PTP4A1: variants seen among roughly 807,000 people sequenced by gnomAD.
PTP4A1 encodes the protein protein tyrosine phosphatase 4A1.
PTP4A1 carries 9 observed loss-of-function variants against 20.5 expected under a neutral mutation model. The ratio of observed to expected loss-of-function variants is 0.44; its 90% CI spans 0.26 to 0.77. PTP4A1 has a LOEUF of 0.77. Ranked by LOEUF, PTP4A1 falls within the 30% of genes least tolerant of loss-of-function variation. The pLI, the probability that PTP4A1 is intolerant of heterozygous loss-of-function variation, is 0.19. For synonymous variants in PTP4A1, 78 were observed against 67.4 expected, an observed-to-expected ratio of 1.16 and a Z score of -0.77; for missense variants, 137 against 218.8, an observed-to-expected ratio of 0.63 and a Z score of 2.36.
chr6:63,520,445 G>C (rs1239088954), upstream of PTP4A1, among the ~76,000 whole-genome samples: 1 of 151,952 alleles, frequency 6.6e-6, no homozygotes, highest in Non-Finnish European at 1.5e-5. Flanking sequence ...TGGCCAATGT[G>C]GCAAAACCCC....
At chr6:63,551,189 C>A (rs1191182135) in intron 3 of PTP4A1, among the ~76,000 whole-genome samples, 3 of 152,064 alleles carry the variant, frequency 2.0e-5, no homozygotes, top group Non-Finnish European at 4.4e-5. Flanking sequence ...CCTCAGCCTC[C>A]CAAATAGCTG....
intron 3 of PTP4A1, among the ~76,000 whole-genome samples, chr6:63,553,973 A>T (rs763285860): frequency 1.3e-5 from 2 of 152,222 alleles, no homozygotes; most frequent in African/African-American, 2.4e-5. Context: ...TTATTTTAAG[A>T]GGCTTATAAC....
chr6:63,539,779 AAT>A (rs1246943446), intron 2 of PTP4A1, among the ~76,000 whole-genome samples: 4 of 152,136 alleles, frequency 2.6e-5, no homozygotes, highest in African/African-American at 7.2e-5. Context: ...AAAAAAAAAA[AAT>A]TGGCAAAGGA....
intron 1 of PTP4A1, among the ~76,000 whole-genome samples, chr6:63,523,264 C>A (rs1032416868): frequency 1.3e-5 from 2 of 152,024 alleles, no homozygotes; most frequent in African/African-American, 4.8e-5. Context: ...TATGTACTTT[C>A]TCAGGCATTA....
intron 2 of PTP4A1, among the ~76,000 whole-genome samples, chr6:63,534,814 G>T: frequency 6.6e-6 from 1 of 151,838 alleles, no homozygotes; most frequent in Admixed American, 6.6e-5. Context: ...ATTTCATAAA[G>T]AATTTCTTTA....
chr6:63,537,272 A>T (rs1326834945), intron 2 of PTP4A1, among the ~76,000 whole-genome samples: 1 of 152,190 alleles, frequency 6.6e-6, no homozygotes, highest in Non-Finnish European at 1.5e-5. Context: ...GTTAGAATGC[A>T]AATCATCAGG....
chr6:63,579,064 T>C (rs781042653), intron 4 of PTP4A1, 36 bp downstream of exon 4: 1 of 1,533,798 alleles, frequency 6.5e-7, no homozygotes, highest in Non-Finnish European at 8.7e-7. Context: ...TAGGTAAAAA[T>C]CTATTGATAA....
chr6:63,539,685 C>T (rs1775870207), intron 2 of PTP4A1, among the ~76,000 whole-genome samples: 2 of 151,948 alleles, frequency 1.3e-5, no homozygotes, highest in South Asian at 4.1e-4. Context: ...AGGGGAATTG[C>T]TTGAACCCGG....
At chr6:63,528,924 G>C (rs1225899792) in intron 2 of PTP4A1, among the ~76,000 whole-genome samples, 1 of 151,200 alleles carries the variant, frequency 6.6e-6, no homozygotes. Flanking sequence ...CCCCATCTCT[G>C]CTAAAAATAC....
rs1344207313 is a variant in PTP4A1 at position 63,577,349 on chromosome 6, C to G, written c.105+364C>G. 7.2e-5 allele frequency among the ~76,000 whole-genome samples: 11 copies of G among 152,120 alleles called. 1 individual carries two copies. The highest frequency in any genetic ancestry group is 7.2e-4 in the Admixed American group (11 of 15,266). ...TAAACCAGTTGGTTTTTCTTGAACC[C>G]CATCTGATGCTTAGAATCCAATTTT... On this transcript the variant is annotated intron_variant, in intron 2 of 5. Transcript: ENST00000626021.
chr6:63,554,207 T>C (rs1776570647), intron 3 of PTP4A1, among the ~76,000 whole-genome samples: 2 of 152,248 alleles, frequency 1.3e-5, no homozygotes, highest in Non-Finnish European at 2.9e-5. Context: ...GTTTTGCAGT[T>C]TCTTTTTAAG....
upstream of PTP4A1, chr6:63,571,085 T>C (rs1324667026): frequency 6.6e-6 from 1 of 152,208 alleles, no homozygotes; most frequent in Non-Finnish European, 1.5e-5. Context: ...TGGATTAAAA[T>C]GTGTCGTAGG....
rs747484192 is a variant in PTP4A1, at chr6:63,580,156, C to A, written c.504C>A (p.Asn168Lys). 6.2e-7 allele frequency: 1 copy of A among 1,610,760 alleles called. No individual in the cohort carries two copies. The highest frequency in any genetic ancestry group is 8.5e-7 in the Non-Finnish European group (1 of 1,177,620). Residue 168 changes from asparagine (N) to lysine (K), a missense_variant, in exon 6 of 6, where the codon AAC (asparagine) becomes AAA (lysine). Transcript: ENST00000626021. ...LRFKDSNGHR[N>K]NCCIQ Reference sequence around the variant, plus strand: ...TCAAAGATTCCAACGGTCATAGAAACAACTGTTGCATTCAATAAAATTGGG... The same window carrying A: ...TCAAAGATTCCAACGGTCATAGAAAAAACTGTTGCATTCAATAAAATTGGG...
chr6:63,577,557 C>CT (rs1431045140), intron 2 of PTP4A1, among the ~76,000 whole-genome samples: 4 of 151,878 alleles, frequency 2.6e-5, no homozygotes, highest in African/African-American at 7.2e-5. Context: ...AATGGAAATA[C>CT]TTTTTTTTCC....
intron 2 of PTP4A1, among the ~76,000 whole-genome samples, chr6:63,532,558 C>A: frequency 6.6e-6 from 1 of 151,876 alleles, no homozygotes. Context: ...AAATAAATGC[C>A]ATTAAATCCA....
intron 3 of PTP4A1, among the ~76,000 whole-genome samples, chr6:63,556,167 T>A (rs1032153869): frequency 3.9e-5 from 6 of 152,264 alleles, no homozygotes; most frequent in South Asian, 4.1e-4. Context: ...TTTTAAAAAA[T>A]TTTTTACTGT....
chr6:63,562,848 T>C (rs1249130920), intron 3 of PTP4A1, among the ~76,000 whole-genome samples: 1 of 152,252 alleles, frequency 6.6e-6, no homozygotes, highest in South Asian at 2.1e-4. Flanking sequence ...TTCTGGTTTA[T>C]TCCCTACAAA....
chr6:63,559,454 A>C (rs1044045014), intron 3 of PTP4A1, among the ~76,000 whole-genome samples: 3 of 152,192 alleles, frequency 2.0e-5, no homozygotes, highest in Non-Finnish European at 4.4e-5. Flanking sequence ...GGTTTAAAAA[A>C]TGAATTTCAC....
chr6:63,570,773 T>A (rs112666109), upstream of PTP4A1, among the ~76,000 whole-genome samples: 1,008 of 152,344 alleles, frequency 6.6e-3, 12 homozygotes, highest in Middle Eastern at 0.027. Context: ...CACTATTATA[T>A]ACATTGGCCA....
Sources: allele counts gnomAD v4.1 joint callset (sites outside exome capture counted in the v4.1 genomes callset), GRCh38; gene constraint gnomAD v4.1.1; transcripts MANE v1.5; gene names NCBI Gene and HGNC (gene_info 2026-07-23, HGNC 2026-07-21).